ANKRD30BL: variants seen among roughly 807,000 people sequenced by gnomAD.
ANKRD30BL encodes the protein putative ankyrin repeat domain-containing protein 30B-like.
Under a neutral mutation model 18.4 loss-of-function variants are expected in ANKRD30BL, and 20 were observed. The ratio of observed to expected loss-of-function variants is 1.09; its 90% CI spans 0.77 to 1.58. ANKRD30BL has a LOEUF of 1.58. Among genes scored for constraint, ANKRD30BL ranks in the 40% most tolerant of loss-of-function variants. The pLI is 0.00. For missense variants in ANKRD30BL, 224 were observed against 268.6 expected, an observed-to-expected ratio of 0.83 and a Z score of 1.16; for synonymous variants, 72 against 100.9, an observed-to-expected ratio of 0.71 and a Z score of 1.72.
chr2:132,154,215 T>A (rs1203556301), intron 4 of ANKRD30BL, among the ~76,000 whole-genome samples: 1 of 152,158 alleles, frequency 6.6e-6, no homozygotes. Flanking sequence ...ATCTACACAC[T>A]TGGCCTCTCA....
chr2:132,215,305 A>G (rs1291598719), intron 1 of ANKRD30BL, among the ~76,000 whole-genome samples: 1 of 152,268 alleles, frequency 6.6e-6, no homozygotes, highest in African/African-American at 2.4e-5. Flanking sequence ...AGAATCTGTA[A>G]GGGGACATGC....
At chr2:132,170,882 G>A (rs1180751717) in intron 1 of ANKRD30BL, among the ~76,000 whole-genome samples, 3 of 152,076 alleles carry the variant, frequency 2.0e-5, no homozygotes, top group Admixed American at 2.0e-4. Context: ...TGGAGGCCGA[G>A]CCGGTGGCTC....
At chr2:132,232,751 A>T (rs981886000) in intron 1 of ANKRD30BL, among the ~76,000 whole-genome samples, 2 of 152,202 alleles carry the variant, frequency 1.3e-5, no homozygotes, top group Non-Finnish European at 2.9e-5. Context: ...CCCAAGTTGG[A>T]AAACACTCTG....
At chr2:132,189,376 A>T (rs1222056475) in intron 1 of ANKRD30BL, among the ~76,000 whole-genome samples, 1 of 152,136 alleles carries the variant, frequency 6.6e-6, no homozygotes, top group Non-Finnish European at 1.5e-5. Context: ...TGACACAGAG[A>T]TTTTATTCAC....
chr2:132,194,198 CA>C (rs1678918752), intron 1 of ANKRD30BL, among the ~76,000 whole-genome samples: 1 of 152,140 alleles, frequency 6.6e-6, no homozygotes, highest in Non-Finnish European at 1.5e-5. Context: ...GAGTTGGTCT[CA>C]TTAACCTTCC....
intron 5 of ANKRD30BL, among the ~76,000 whole-genome samples, chr2:132,149,123 A>T (rs1337704897): frequency 6.6e-6 from 1 of 152,254 alleles, no homozygotes; most frequent in African/African-American, 2.4e-5. Context: ...TTTGATAAAT[A>T]TGTAATAAAT....
At chr2:132,162,979 C>T (rs1013818538), upstream of ANKRD30BL, among the ~76,000 whole-genome samples, 4 of 152,166 alleles carry the variant, frequency 2.6e-5, no homozygotes, top group African/African-American at 7.2e-5. Flanking sequence ...TTCCTGAGAG[C>T]GCCCGCTGCC....
chr2:132,222,832 T>TTAAAAAAAAA (rs559303905), intron 1 of ANKRD30BL, among the ~76,000 whole-genome samples: 2 of 52,814 alleles, frequency 3.8e-5, no homozygotes, highest in Non-Finnish European at 7.5e-5. Context: ...GAATGATCAA[T>TTAAAAAAAAA]AAAAAAAAAA....
At chr2:132,205,706 TA>T (rs1679200250) in intron 1 of ANKRD30BL, among the ~76,000 whole-genome samples, 1 of 150,056 alleles carries the variant, frequency 6.7e-6, no homozygotes, top group Non-Finnish European at 1.5e-5. Flanking sequence ...GAAGTCAAGG[TA>T]GAAGGAAATT....
chr2:132,191,621 T>TCC (rs1678851300), intron 1 of ANKRD30BL, among the ~76,000 whole-genome samples: 1 of 152,204 alleles, frequency 6.6e-6, no homozygotes, highest in Non-Finnish European at 1.5e-5. Flanking sequence ...CCCAGGTGGT[T>TCC]AATGATGCAT....
intron 1 of ANKRD30BL, among the ~76,000 whole-genome samples, chr2:132,203,862 A>G (rs2104749980): frequency 6.6e-6 from 1 of 152,270 alleles, no homozygotes; most frequent in African/African-American, 2.4e-5. Flanking sequence ...AAAAATGATG[A>G]GCATTTTTCT....
chr2:132,202,147 T>G (rs1679111722), intron 1 of ANKRD30BL, among the ~76,000 whole-genome samples: 1 of 148,536 alleles, frequency 6.7e-6, no homozygotes, highest in Non-Finnish European at 1.5e-5. Flanking sequence ...TGTTGTGGGG[T>G]GGAGGCAGGG....
chr2:132,229,556 T>C (rs1315960671), intron 1 of ANKRD30BL, among the ~76,000 whole-genome samples: 2 of 152,190 alleles, frequency 1.3e-5, no homozygotes, highest in Non-Finnish European at 2.9e-5. Context: ...AGAAACTCTC[T>C]TTTTGTAGAA....
chr2:132,227,447 G>A (rs1679877024), intron 1 of ANKRD30BL, among the ~76,000 whole-genome samples: 1 of 151,824 alleles, frequency 6.6e-6, no homozygotes, highest in Non-Finnish European at 1.5e-5. Context: ...TCACACAGTG[G>A]GACATACCTT....
intron 1 of ANKRD30BL, among the ~76,000 whole-genome samples, chr2:132,178,899 T>G (rs1688409208): frequency 2.0e-5 from 3 of 151,734 alleles, no homozygotes; most frequent in Admixed American, 2.0e-4. Flanking sequence ...TGAAATAATT[T>G]GATAGAATTC....
intron 1 of ANKRD30BL, among the ~76,000 whole-genome samples, chr2:132,183,200 C>T (rs75775996): frequency 6.4e-4 from 96 of 150,338 alleles, no homozygotes; most frequent in African/African-American, 2.2e-3. Flanking sequence ...GCACAAATCT[C>T]GGCTCGTTGT....
At position 132,215,622 on chromosome 2, in the gene ANKRD30BL, G is replaced by T. The variant is rs540471799; in HGVS notation, n.441+41907C>A. Among the ~76,000 whole-genome samples, 395 of 152,006 alleles carry T rather than the reference G, an allele frequency of 2.6e-3. 1 individual carries two copies. The highest frequency in any genetic ancestry group is 9.0e-3 in the African/African-American group (374 of 41,492). ...TCAATTCTTTTGAGTGAGCAGTTTG[G>T]AAGCTCTCCTTTTGTAGCATCTGCA... On this transcript the variant is annotated intron_variant and non_coding_transcript_variant, in intron 1 of 4. Transcript: ENST00000470729.
At chr2:132,169,782 G>A (rs1450885752) in intron 1 of ANKRD30BL, among the ~76,000 whole-genome samples, 1 of 151,580 alleles carries the variant, frequency 6.6e-6, no homozygotes, top group Non-Finnish European at 1.5e-5. Context: ...TTATGAGATA[G>A]TATTGAACCT....
chr2:132,224,123 G>A (rs111575241), intron 1 of ANKRD30BL, among the ~76,000 whole-genome samples: 7,308 of 151,694 alleles, frequency 0.048, 590 homozygotes, highest in African/African-American at 0.17. Flanking sequence ...TTCGTTGGAA[G>A]CGGGAAGATA....
Sources: allele counts gnomAD v4.1 joint callset (sites outside exome capture counted in the v4.1 genomes callset), GRCh38; gene constraint gnomAD v4.1.1; transcripts MANE v1.5; gene names NCBI Gene and HGNC (gene_info 2026-07-23, HGNC 2026-07-21).